The following DACH2 variants were observed in gnomAD, a reference collection of about 807,000 sequenced individuals.
DACH2 encodes dachshund homolog 2.
In DACH2, 17 loss-of-function variants were observed where a neutral mutation model predicts 35.8. The observed-to-expected ratio is 0.48, with a 90% confidence interval of 0.33 to 0.71. DACH2 has a LOEUF of 0.71. Among genes scored for constraint, DACH2 ranks in the 30% least tolerant of loss-of-function variants. DACH2 has a pLI of 0.02. For synonymous variants in DACH2, 195 were observed against 177.3 expected (o/e 1.10, Z -0.79); for missense variants, 469 against 472.7 (o/e 0.99, Z 0.07).
At chrX:86,600,374 G>A (rs1225028166) in intron 3 of DACH2, among the ~76,000 whole-genome samples, 1 of 111,925 alleles carries the variant, frequency 8.9e-6, no homozygotes, top group Non-Finnish European at 1.9e-5. Context: ...ACTATATGCT[G>A]TATATTTTGA....
At chrX:86,775,364 A>G (rs777087216) in intron 7 of DACH2, among the ~76,000 whole-genome samples, 10 of 110,821 alleles carry the variant, frequency 9.0e-5, no homozygotes, top group African/African-American at 3.3e-4. Context: ...AGGGAGCATT[A>G]CTCCTCGAGC....
At chrX:86,643,446 G>T (rs999586955) in intron 3 of DACH2, among the ~76,000 whole-genome samples, 1 of 109,437 alleles carries the variant, frequency 9.1e-6, no homozygotes, top group African/African-American at 3.3e-5. Flanking sequence ...GACCAATAAC[G>T]AGCTCTGAAA....
intron 1 of DACH2, among the ~76,000 whole-genome samples, chrX:86,274,646 C>A (rs954097853): frequency 9.3e-6 from 1 of 107,789 alleles, no homozygotes; most frequent in African/African-American, 3.4e-5. Flanking sequence ...AGGTGCCTGC[C>A]ACCACGCCCG....
chrX:86,563,185 A>G (rs1466269466), intron 3 of DACH2, among the ~76,000 whole-genome samples: 1 of 109,680 alleles, frequency 9.1e-6, no homozygotes, highest in African/African-American at 3.3e-5. Flanking sequence ...GGTACTAAGT[A>G]GAGACTGATC....
chrX:86,225,570 A>C (rs1017053561), intron 1 of DACH2, among the ~76,000 whole-genome samples: 4 of 110,768 alleles, frequency 3.6e-5, no homozygotes, highest in African/African-American at 1.3e-4. Context: ...TTGCTTCACA[A>C]GGTTTCTCCT....
At chrX:86,453,171 G>C (rs1364412304) in intron 2 of DACH2, among the ~76,000 whole-genome samples, 1 of 111,646 alleles carries the variant, frequency 9.0e-6, no homozygotes, top group African/African-American at 3.3e-5. Context: ...ATTGTGCTGT[G>C]GTCTGAAAGA....
intron 4 of DACH2, among the ~76,000 whole-genome samples, chrX:86,656,979 A>G (rs991686229): frequency 9.6e-6 from 1 of 104,710 alleles, no homozygotes; most frequent in Admixed American, 1.1e-4. Context: ...CGTTAAGTGA[A>G]GTAAGCCAGG....
chrX:86,482,849 A>G (rs1162996815), intron 2 of DACH2, among the ~76,000 whole-genome samples: 2 of 109,666 alleles, frequency 1.8e-5, no homozygotes, highest in African/African-American at 3.3e-5. Context: ...AGGGACATGG[A>G]TGAAATTGGA....
chrX:86,605,800 T>C (rs1282563518), intron 3 of DACH2, among the ~76,000 whole-genome samples: 2 of 110,904 alleles, frequency 1.8e-5, no homozygotes, highest in African/African-American at 6.5e-5. Flanking sequence ...TTTGGTGTTT[T>C]TATTAATCTA....
At chrX:86,723,780 G>C (rs2041434268) in intron 6 of DACH2, among the ~76,000 whole-genome samples, 1 of 111,577 alleles carries the variant, frequency 9.0e-6, no homozygotes, top group Non-Finnish European at 1.9e-5. Flanking sequence ...TTGTTAGATA[G>C]AATATTCTAT....
intron 11 of DACH2, among the ~76,000 whole-genome samples, 181 bp downstream of exon 11, chrX:86,816,280 A>G (rs1389886642): frequency 9.0e-6 from 1 of 111,594 alleles, no homozygotes; most frequent in Non-Finnish European, 1.9e-5. Context: ...AGAAAAAAAT[A>G]CTTAACATGG....
chrX:86,451,263 A>G (rs946641036), intron 2 of DACH2, among the ~76,000 whole-genome samples: 17 of 111,635 alleles, frequency 1.5e-4, no homozygotes, highest in South Asian at 7.4e-4. Flanking sequence ...CCTGGTTTCA[A>G]TTTTCTGCAA....
In DACH2 at chrX:86,737,965, C is replaced by A. The variant is rs5923621; in HGVS notation, c.1105-1782C>A. Among the ~76,000 whole-genome samples the A allele has an allele frequency of 8.1e-3, 900 of 111,069 alleles. 4 individuals carry two copies. The highest frequency in any genetic ancestry group is 0.023 in the Middle Eastern group (5 of 216). On this transcript the variant is annotated intron_variant, in intron 6 of 11. Transcript: ENST00000373125. Reference sequence around the variant, plus strand: ...GTTTATTGTTAAAGGTCACTCACATCTCTTTGCTCATGGCTCCCTTCTTCC... The same window carrying A: ...GTTTATTGTTAAAGGTCACTCACATATCTTTGCTCATGGCTCCCTTCTTCC...
intron 2 of DACH2, among the ~76,000 whole-genome samples, chrX:86,441,165 A>C (rs1403715980): frequency 9.0e-6 from 1 of 111,397 alleles, no homozygotes; most frequent in Non-Finnish European, 1.9e-5. Flanking sequence ...AAAATGGGGA[A>C]GCCTTCACCT....
Position 86,623,909 on chromosome X carries a change from A to G in DACH2, c.641-27127A>G, listed in dbSNP as rs918931293. 8.6e-4 allele frequency among the ~76,000 whole-genome samples: 88 copies of G among 101,808 alleles called. 4 individuals carry two copies. The highest frequency in any genetic ancestry group is 3.0e-3 in the African/African-American group (83 of 27,859). The allele number at this position is 101,808 out of a possible 115,157, so 88.4% of individuals were successfully genotyped here. ...CTAAAAATACAAAAATTAGCCGGGCATGGTGGCGCGTGCCTGTAGTCCCAG... is the reference window on the plus strand; with the variant it reads ...CTAAAAATACAAAAATTAGCCGGGCGTGGTGGCGCGTGCCTGTAGTCCCAG... On this transcript the variant is annotated intron_variant, in intron 3 of 11. Transcript: ENST00000373125.
chrX:86,745,873 T>C (rs1024539434), intron 7 of DACH2, among the ~76,000 whole-genome samples: 2 of 111,546 alleles, frequency 1.8e-5, no homozygotes, highest in Non-Finnish European at 3.8e-5. Context: ...AGCATTCCTT[T>C]TTCTCCACAA....
chrX:86,708,719 A>G (rs1314462234), intron 5 of DACH2, among the ~76,000 whole-genome samples: 1 of 111,108 alleles, frequency 9.0e-6, no homozygotes, highest in East Asian at 2.8e-4. Context: ...CTAAAAACCT[A>G]GATTTCACCA....
At chrX:86,817,800 G>A (rs781244529) in intron 11 of DACH2, among the ~76,000 whole-genome samples, 6 of 111,694 alleles carry the variant, frequency 5.4e-5, no homozygotes, top group African/African-American at 6.5e-5. Flanking sequence ...TCCACTCTTC[G>A]TTTCCAAATT....
chrX:86,203,463 A>G (rs1179736512), intron 1 of DACH2, among the ~76,000 whole-genome samples: 1 of 111,275 alleles, frequency 9.0e-6, no homozygotes, highest in Non-Finnish European at 1.9e-5. Flanking sequence ...TTTTTTCTCA[A>G]ATTGACTTAT....
Sources: gnomAD v4.1 joint callset for allele counts (sites outside exome capture counted in the v4.1 genomes callset) on GRCh38, gnomAD v4.1.1 for gene constraint, MANE v1.5 for transcripts, NCBI Gene and HGNC (gene_info 2026-07-23, HGNC 2026-07-21) for gene names.